The following SESN1 variants were observed in gnomAD, a reference collection of about 807,000 sequenced individuals.
The protein encoded by SESN1 is sestrin 1.
In SESN1, 30 loss-of-function variants were observed where a neutral mutation model predicts 59.3. The observed-to-expected ratio is 0.51, with a 90% CI of 0.38 to 0.69. The LOEUF (loss-of-function observed/expected upper bound fraction) is 0.69. SESN1 is among the 30% of genes least tolerant of loss of function. SESN1 has a pLI of 0.00. For synonymous variants in SESN1, 197 were observed against 219.9 expected (o/e 0.90, Z 0.92); for missense variants, 566 against 673.0 (o/e 0.84, Z 1.76).
intron 1 of SESN1, among the ~76,000 whole-genome samples, chr6:109,070,570 A>T (rs1780916213): frequency 6.6e-6 from 1 of 152,210 alleles, no homozygotes; most frequent in Non-Finnish European, 1.5e-5. Context: ...TGGGCTTATG[A>T]AAACGTATAC....
intron 1 of SESN1, among the ~76,000 whole-genome samples, chr6:109,077,843 T>G (rs1309975647): frequency 1.3e-5 from 2 of 152,176 alleles, no homozygotes; most frequent in Non-Finnish European, 2.9e-5. Context: ...ACACTGCAAA[T>G]GTTATATGTA....
chr6:109,054,315 A>G (rs1428408015), intron 1 of SESN1, among the ~76,000 whole-genome samples: 4 of 152,172 alleles, frequency 2.6e-5, no homozygotes, highest in African/African-American at 9.6e-5. Flanking sequence ...GAAGGAAAAA[A>G]CAAGTTCATT....
chr6:109,081,928 A>C (rs1301777204), intron 1 of SESN1, among the ~76,000 whole-genome samples: 2 of 152,208 alleles, frequency 1.3e-5, no homozygotes, highest in African/African-American at 4.8e-5. Context: ...TCCTCATTAA[A>C]CCGTCAAGGA....
At chr6:109,082,504 C>T (rs1029663689) in intron 1 of SESN1, among the ~76,000 whole-genome samples, 4 of 152,194 alleles carry the variant, frequency 2.6e-5, no homozygotes, top group Non-Finnish European at 5.9e-5. Context: ...GACCATTATC[C>T]TCCAATGCTG....
chr6:109,044,064 C>T (rs150042104), intron 1 of SESN1, among the ~76,000 whole-genome samples: 3,855 of 151,886 alleles, frequency 0.025, 161 homozygotes, highest in African/African-American at 0.088. Flanking sequence ...CCTGTAATCC[C>T]AGCACTTTGG....
Position 109,093,816 on chromosome 6 carries a change from C to G in SESN1, c.258G>C (p.Glu86Asp). The G allele has an allele frequency of 6.2e-7, 1 of 1,613,962 alleles. No homozygotes were observed. Among genetic ancestry groups the G allele is most frequent in the Non-Finnish European group, 8.5e-7 (1 of 1,179,890 alleles). The change falls in exon 1 of 10, where the codon GAG (glutamate) becomes GAC (aspartate). Residue 86 changes from glutamate to aspartate, a missense_variant. Glu to Asp is a conservative substitution (Grantham distance 45). Coordinates refer to ENST00000436639, the MANE Select transcript of SESN1 (RefSeq NM_014454.3). ...CPFKDVREKS[E>D]FILKSIQELG... ...TTACCTGGATGCTCTTCAGAATAAA[C>G]TCACTTTTCTCTCTCACATCTTTGA...
chr6:109,008,759 A>AATT, intron 1 of SESN1: 1 of 984,958 alleles, frequency 1.0e-6, no homozygotes, highest in Non-Finnish European at 1.2e-6. Flanking sequence ...CCTCTTTCTA[A>AATT]AGGACAATTC....
Position 108,992,816 on chromosome 6 carries a change from C to G in SESN1, c.1204G>C (p.Gly402Arg), listed in dbSNP as rs767386298. 1.8e-5 allele frequency: 29 copies of G among 1,613,330 alleles called. No individual in the cohort carries two copies. Among genetic ancestry groups the G allele is most frequent in the Non-Finnish European group, 2.4e-5 (28 of 1,179,450 alleles). ...ACACGAAATGTTGGAACATGCATCCCATGTCTAGAGAAATCTTTATAGCCA... is the reference window on the plus strand; with the variant it reads ...ACACGAAATGTTGGAACATGCATCCGATGTCTAGAGAAATCTTTATAGCCA... ...SYGYKDFSRH[G>R]MHVPTFRVQD... Residue 402 changes from glycine to arginine, a missense_variant, in exon 7 of 10, where the codon GGG becomes CGG. Physicochemically the swap from Gly to Arg is moderately radical, Grantham distance 125. Transcript: ENST00000436639.
intron 1 of SESN1, among the ~76,000 whole-genome samples, chr6:109,070,046 G>A (rs981445494): frequency 6.6e-6 from 1 of 152,040 alleles, no homozygotes; most frequent in Non-Finnish European, 1.5e-5. Flanking sequence ...ACCTATCCAT[G>A]CCCCACACAA....
chr6:109,059,228 T>C (rs1302776507), intron 1 of SESN1, among the ~76,000 whole-genome samples: 2 of 152,174 alleles, frequency 1.3e-5, no homozygotes, highest in African/African-American at 4.8e-5. Flanking sequence ...CAGTCTAAGA[T>C]CTTTGAAGCT....
intron 5 of SESN1, 60 bp from the exon 6 acceptor site, chr6:108,994,669 T>C: frequency 7.6e-7 from 1 of 1,311,170 alleles, no homozygotes; most frequent in Non-Finnish European, 1.0e-6. Flanking sequence ...ATGAATTATC[T>C]TTTAAGTCTG....
At chr6:109,047,013 C>A (rs530079870) in intron 1 of SESN1, among the ~76,000 whole-genome samples, 3 of 46,052 alleles carry the variant, frequency 6.5e-5, no homozygotes, top group Non-Finnish European at 1.3e-4. Flanking sequence ...GCCCCCTGCC[C>A]GGCCAGCCGC....
intron 1 of SESN1, among the ~76,000 whole-genome samples, chr6:109,073,802 A>G (rs559069582): frequency 1.3e-5 from 2 of 152,244 alleles, no homozygotes; most frequent in Non-Finnish European, 2.9e-5. Flanking sequence ...TTACCTTAAA[A>G]GCCACTCTTC....
At chr6:109,075,029 GC>G (rs1249736986) in intron 1 of SESN1, among the ~76,000 whole-genome samples, 1 of 152,292 alleles carries the variant, frequency 6.6e-6, no homozygotes, top group South Asian at 2.1e-4. Flanking sequence ...GAGGGGGCAG[GC>G]ACTGGGGTAG....
At chr6:109,055,164 G>A (rs891705950) in intron 1 of SESN1, among the ~76,000 whole-genome samples, 6 of 152,098 alleles carry the variant, frequency 3.9e-5, no homozygotes, top group African/African-American at 1.4e-4. Flanking sequence ...TTTTAACCTG[G>A]TCCCTGGGTG....
chr6:109,093,728 G>T, intron 1 of SESN1, 67 bp downstream of exon 1: 1 of 1,468,474 alleles, frequency 6.8e-7, no homozygotes, highest in Non-Finnish European at 9.3e-7. Context: ...CAAACACAAC[G>T]TGAATAACGG....
intron 1 of SESN1, among the ~76,000 whole-genome samples, chr6:109,067,520 T>C (rs1183739121): frequency 6.6e-6 from 1 of 152,220 alleles, no homozygotes. Context: ...AAGGGATCCA[T>C]TTCATCGGCA....
rs1443186851 is a variant in SESN1, at chr6:108,987,388, T to A, written c.*156A>T. 1 of 526,708 alleles carries A rather than the reference T, an allele frequency of 1.9e-6. No homozygotes were observed. Among genetic ancestry groups the A allele is most frequent in the Non-Finnish European group, 3.4e-6 (1 of 295,208 alleles). 32.6% of individuals were successfully genotyped at this position (526,708 alleles called of 1,614,324 possible). ...AAACAGTCACTGCTTGTGCCAGCAG[T>A]GGTTTTCCACAGAAAAATAGCAGAA... is the stretch of plus-strand genomic sequence containing the variant. On this transcript the variant is annotated 3_prime_UTR_variant, in exon 10 of 10. Transcript: ENST00000436639.
In SESN1 at chr6:108,994,605, C is replaced by T. The variant is rs200255805; in HGVS notation, c.977G>A (p.Ser326Asn). Residue 326 changes from serine to asparagine, a missense_variant, in exon 6 of 10, where the codon AGT (serine) becomes AAT (asparagine). Transcript: ENST00000436639. ...PVNSAENVSV[S>N]DSFFEVEALM... ...GGCTTCAACCTCAAAGAAAGAATCA[C>T]TTACCTGAAGAAAAAATACAATTAA... 5 of 1,606,384 alleles carry T rather than the reference C, an allele frequency of 3.1e-6. No homozygotes were observed. Among genetic ancestry groups the T allele is most frequent in the Admixed American group, 3.4e-5 (2 of 59,204 alleles).
Sources: gnomAD v4.1 joint callset for allele counts (sites outside exome capture counted in the v4.1 genomes callset) on GRCh38, gnomAD v4.1.1 for gene constraint, MANE v1.5 for transcripts, NCBI Gene and HGNC (gene_info 2026-07-23, HGNC 2026-07-21) for gene names.